Variants in ZUP1 observed in about 807,000 individuals in gnomAD.
ZUP1 encodes the protein zinc finger-containing ubiquitin peptidase 1.
In ZUP1, 55 loss-of-function variants were observed where a neutral mutation model predicts 68.1. That is an observed-to-expected ratio of 0.81 (90% CI 0.65 to 1.01). ZUP1 has a LOEUF of 1.01. Ranked by LOEUF, ZUP1 falls within the 50% of genes least tolerant of loss-of-function variation. The probability of loss-of-function intolerance (pLI) is 0.00; values close to 1 mark genes in which losing one functional copy is unlikely to be tolerated. For missense variants in ZUP1, 684 were observed against 674.9 expected, an observed-to-expected ratio of 1.01 and a Z score of -0.15; for synonymous variants, 223 against 221.5, an observed-to-expected ratio of 1.01 and a Z score of -0.06.
At chr6:116,666,141 A>G (rs1777001954) in intron 2 of ZUP1, among the ~76,000 whole-genome samples, 2 of 152,214 alleles carry the variant, frequency 1.3e-5, no homozygotes, top group African/African-American at 4.8e-5. Context: ...ATCTAGTGAC[A>G]TACATATAAC....
In ZUP1 at chr6:116,658,552, C is replaced by CT. The variant is rs1374921511; in HGVS notation, c.792+250dup. 2.0e-5 allele frequency among the ~76,000 whole-genome samples: 3 copies of CT among 152,032 alleles called. No individual in the cohort carries two copies. The East Asian group carries it at 5.8e-4, about 29-fold the overall frequency. ...CCATTCTCTGTCTCCATTTCTTCAT[C>CT]TGAAAAAAAAGGGGGCGTGGGAGGG... On this transcript the variant is annotated intron_variant, in intron 4 of 9. Coordinates refer to ENST00000368576, the MANE Select transcript of ZUP1 (RefSeq NM_145062.3).
rs1014324695 is a variant in ZUP1 at position 116,659,022 on chromosome 6, T to C, written c.671-98A>G. 6 of 1,116,936 alleles carry C rather than the reference T, an allele frequency of 5.4e-6. No homozygotes were observed. The African/African-American group carries it at 9.7e-5, about 18-fold the overall frequency. 69.2% of individuals were successfully genotyped at this position (1,116,936 alleles called of 1,614,324 possible). On this transcript the variant is annotated intron_variant, in intron 3 of 9. Coordinates refer to ENST00000368576, the MANE Select transcript of ZUP1 (RefSeq NM_145062.3). ...TTTTAAAATAGAGTAAATGCTGTTA[T>C]TTGCCATTTATTCATGACTGTGATG...
intron 5 of ZUP1, among the ~76,000 whole-genome samples, chr6:116,654,869 T>A (rs747625848): frequency 1.3e-5 from 2 of 152,090 alleles, no homozygotes; most frequent in Non-Finnish European, 2.9e-5. Flanking sequence ...TTTAAAAGTG[T>A]CACCATACTA....
intron 9 of ZUP1, among the ~76,000 whole-genome samples, chr6:116,640,132 T>C (rs1776047167): frequency 6.7e-6 from 1 of 149,632 alleles, no homozygotes; most frequent in Non-Finnish European, 1.5e-5. Context: ...AAGGGAAGTT[T>C]AGAGAAAAAA....
At chr6:116,640,410 A>T (rs1776059633) in intron 9 of ZUP1, among the ~76,000 whole-genome samples, 1 of 152,198 alleles carries the variant, frequency 6.6e-6, no homozygotes, top group Admixed American at 6.5e-5. Flanking sequence ...GCTGAAATGA[A>T]GGAAAAAATG....
chr6:116,640,818 G>C (rs2115380274), intron 9 of ZUP1, among the ~76,000 whole-genome samples: 1 of 150,906 alleles, frequency 6.6e-6, no homozygotes, highest in East Asian at 2.0e-4. Context: ...ATAATGACAG[G>C]ATCAAATTCA....
At chr6:116,666,528 T>C in intron 2 of ZUP1, 106 bp downstream of exon 2, 1 of 855,958 alleles carries the variant, frequency 1.2e-6, no homozygotes, top group Non-Finnish European at 1.7e-6. Context: ...ATAAAATGGA[T>C]TTCAAAACAC....
In ZUP1 at chr6:116,666,537, AC is replaced by A. The variant is rs561106343; in HGVS notation, c.559+96del. 3.1e-3 allele frequency: 2,933 copies of A among 931,388 alleles called. 9 individuals are homozygous for A. The highest frequency in any genetic ancestry group is 3.9e-3 in the Non-Finnish European group (2,544 of 658,412). The allele number at this position is 931,388 out of a possible 1,614,324, so 57.7% of individuals were successfully genotyped here. A position where few individuals can be genotyped will look rare whatever the true frequency, so the allele number is the denominator to read the frequency against. On this transcript the variant is annotated intron_variant, in intron 2 of 9. Coordinates refer to ENST00000368576, the MANE Select transcript of ZUP1 (RefSeq NM_145062.3). ...ATAGACATAAAATGGATTTCAAAAC[AC>A]ATCTGTAGTAAGCTGACTTACAAAC...
chr6:116,648,827 A>T (rs1218632182), intron 7 of ZUP1, among the ~76,000 whole-genome samples: 1 of 151,806 alleles, frequency 6.6e-6, no homozygotes, highest in African/African-American at 2.4e-5. Flanking sequence ...AAAATTAGCC[A>T]GGCATGGTGG....
At chr6:116,651,879 C>G in intron 6 of ZUP1, 125 bp downstream of exon 6, 1 of 1,413,088 alleles carries the variant, frequency 7.1e-7, no homozygotes, top group Non-Finnish European at 9.5e-7. Flanking sequence ...CTTCCTCTAA[C>G]CAGAATTCAG....
At chr6:116,655,755 C>T (rs1031603914) in intron 5 of ZUP1, among the ~76,000 whole-genome samples, 6 of 152,120 alleles carry the variant, frequency 3.9e-5, no homozygotes, top group Non-Finnish European at 7.4e-5. Context: ...CAACAGTGAC[C>T]TCATTTGGAA....
In ZUP1 at chr6:116,668,763, A is replaced by C. The variant is rs1440393748; in HGVS notation, c.-213T>G. 6.6e-6 allele frequency: 1 copy of C among 152,188 alleles called. No homozygotes were observed. The highest frequency in any genetic ancestry group is 2.4e-5 in the African/African-American group (1 of 41,426). The allele number at this position is 152,188 out of a possible 1,614,324, so 9.4% of individuals were successfully genotyped here. ...CCAACACCTTGGCCCTCAGTACCTC[A>C]TTCAAAAGCACTTCCTTACTCCCAC... On this transcript the variant is annotated 5_prime_UTR_variant, in exon 1 of 10. It removes an upstream start codon present in the reference 5' UTR. Transcript: ENST00000368576.
At chr6:116,656,556 AACAAT>A (rs1412822447) in intron 5 of ZUP1, 123 bp downstream of exon 5, 7 of 718,880 alleles carry the variant, frequency 9.7e-6, no homozygotes, top group African/African-American at 1.8e-5. Context: ...GAAGTTTTAA[AACAAT>A]ACATTTTTAA....
intron 9 of ZUP1, among the ~76,000 whole-genome samples, chr6:116,636,639 A>T (rs1775916510): frequency 6.6e-6 from 1 of 152,180 alleles, no homozygotes; most frequent in African/African-American, 2.4e-5. Flanking sequence ...AGTGGCCAAG[A>T]TTAAAAAAAA....
chr6:116,643,334 C>T (rs1367539771), intron 9 of ZUP1, among the ~76,000 whole-genome samples: 2 of 151,944 alleles, frequency 1.3e-5, no homozygotes, highest in African/African-American at 4.8e-5. Context: ...TTGGAAAAAA[C>T]TACTTTAAAG....
chr6:116,651,899 A>G, intron 6 of ZUP1, 105 bp downstream of exon 6: 8 of 1,412,376 alleles, frequency 5.7e-6, no homozygotes, highest in East Asian at 2.3e-5. Flanking sequence ...GGTTTCTTAT[A>G]TAAATATCCA....
intron 2 of ZUP1, among the ~76,000 whole-genome samples, chr6:116,661,988 G>C (rs1051914428): frequency 2.6e-5 from 4 of 152,148 alleles, no homozygotes; most frequent in African/African-American, 9.7e-5. Flanking sequence ...TGAAATAAAG[G>C]AGGGAACTGA....
At chr6:116,662,421 A>C (rs1562411700) in intron 2 of ZUP1, among the ~76,000 whole-genome samples, 1 of 152,208 alleles carries the variant, frequency 6.6e-6, no homozygotes. Flanking sequence ...TAAGCCTCAG[A>C]GGTTAGCCAT....
In ZUP1 at chr6:116,651,710, A is replaced by G. The variant is rs1358104459; in HGVS notation, c.1178T>C (p.Ile393Thr). 6.2e-7 allele frequency: 1 copy of G among 1,613,710 alleles called. No individual in the cohort carries two copies. The highest frequency in any genetic ancestry group is 1.1e-5 in the South Asian group (1 of 91,060). ...CCATGCATCTTCAATCATAGATTGAATTTTTGGAATGCAAGGAATCAACAT... is the reference window on the plus strand; with the variant it reads ...CCATGCATCTTCAATCATAGATTGAGTTTTTGGAATGCAAGGAATCAACAT... ...KGMLIPCIPKIQSMIEDAWKE... is the reference protein window; with the variant it reads ...KGMLIPCIPKTQSMIEDAWKE... Residue 393 changes from isoleucine (I) to threonine (T), a missense_variant, in exon 7 of 10, where the codon ATT becomes ACT. Transcript: ENST00000368576.
Sources: allele counts gnomAD v4.1 joint callset (sites outside exome capture counted in the v4.1 genomes callset), GRCh38; gene constraint gnomAD v4.1.1; transcripts MANE v1.5; gene names NCBI Gene and HGNC (gene_info 2026-07-23, HGNC 2026-07-21).